Variants in CACNB2 observed in about 807,000 individuals in gnomAD.
CACNB2 encodes calcium voltage-gated channel auxiliary subunit beta 2, also known as voltage-dependent L-type calcium channel subunit beta-2.
CACNB2 carries 42 observed loss-of-function variants against 73.3 expected under a neutral mutation model. The ratio of observed to expected loss-of-function variants is 0.57; its 90% CI spans 0.45 to 0.74. The LOEUF (loss-of-function observed/expected upper bound fraction) is 0.74, where lower values mean the gene tolerates loss of function less well. Ranked by LOEUF, CACNB2 falls within the 30% of genes least tolerant of loss-of-function variation. The pLI is 0.00. For missense variants in CACNB2, 940 were observed against 853.0 expected, an observed-to-expected ratio of 1.10 and a Z score of -1.27; for synonymous variants, 348 against 310.3, an observed-to-expected ratio of 1.12 and a Z score of -1.28.
At chr10:18,245,641 C>G (rs1429768799) in intron 2 of CACNB2, among the ~76,000 whole-genome samples, 1 of 152,112 alleles carries the variant, frequency 6.6e-6, no homozygotes, top group Non-Finnish European at 1.5e-5. Flanking sequence ...TCCTCCTGTT[C>G]ATTTTTATTT....
At chr10:18,198,756 C>T (rs949902819) in intron 2 of CACNB2, among the ~76,000 whole-genome samples, 20 of 152,190 alleles carry the variant, frequency 1.3e-4, no homozygotes, top group African/African-American at 4.8e-4. Flanking sequence ...CTCCACCCAG[C>T]ATGACTGCTT....
At chr10:18,490,661 C>T (rs1161172153) in intron 3 of CACNB2, among the ~76,000 whole-genome samples, 2 of 152,160 alleles carry the variant, frequency 1.3e-5, no homozygotes, top group African/African-American at 4.8e-5. Context: ...CCTAATGATT[C>T]TGTAGAGCAG....
At chr10:18,536,327 T>C in intron 12 of CACNB2, 131 bp downstream of exon 12, 7 of 610,542 alleles carry the variant, frequency 1.1e-5, no homozygotes, top group Non-Finnish European at 2.0e-5. Context: ...GGTATGGTCT[T>C]AGCTCACTGC....
intron 7 of CACNB2, chr10:18,514,846 A>G (rs1448066115): frequency 6.8e-6 from 5 of 730,114 alleles, no homozygotes; most frequent in African/African-American, 1.8e-5. Context: ...TTTTATCCAG[A>G]AATTTAACTT....
chr10:18,416,604 G>A (rs1039775572), intron 3 of CACNB2, among the ~76,000 whole-genome samples: 1 of 152,118 alleles, frequency 6.6e-6, no homozygotes, highest in African/African-American at 2.4e-5. Context: ...TAGAGACAGG[G>A]TTTTGCCATA....
intron 7 of CACNB2, among the ~76,000 whole-genome samples, chr10:18,515,222 G>A (rs980610190): frequency 6.6e-6 from 1 of 152,090 alleles, no homozygotes; most frequent in Non-Finnish European, 1.5e-5. Context: ...GAAACTATAG[G>A]GTATTCCTGA....
intron 3 of CACNB2, among the ~76,000 whole-genome samples, chr10:18,449,340 G>A (rs1035130943): frequency 6.6e-6 from 1 of 152,074 alleles, no homozygotes; most frequent in African/African-American, 2.4e-5. Flanking sequence ...AGCCGAGATC[G>A]CGCCACTGCA....
At chr10:18,398,545 C>A (rs2043824728) in intron 2 of CACNB2, among the ~76,000 whole-genome samples, 1 of 152,026 alleles carries the variant, frequency 6.6e-6, no homozygotes, top group Non-Finnish European at 1.5e-5. Context: ...GGAGCACATG[C>A]TTGTATTCCC....
intron 2 of CACNB2, among the ~76,000 whole-genome samples, chr10:18,249,729 G>A (rs1468311635): frequency 6.6e-6 from 1 of 152,086 alleles, no homozygotes; most frequent in Non-Finnish European, 1.5e-5. Context: ...AAAGCTTGTG[G>A]TTCTCAAGAC....
At chr10:18,403,495 C>A (rs2044117888) in intron 3 of CACNB2, among the ~76,000 whole-genome samples, 1 of 152,080 alleles carries the variant, frequency 6.6e-6, no homozygotes, top group Admixed American at 6.6e-5. Context: ...GTTTCACATA[C>A]CAAAATTGAA....
chr10:18,237,220 G>A (rs1411784604), intron 2 of CACNB2, among the ~76,000 whole-genome samples: 2 of 152,124 alleles, frequency 1.3e-5, no homozygotes, highest in African/African-American at 4.8e-5. Context: ...GTATGTTGAG[G>A]TCATAATCCC....
At chr10:18,320,049 C>T (rs1269651116) in intron 2 of CACNB2, among the ~76,000 whole-genome samples, 2 of 152,084 alleles carry the variant, frequency 1.3e-5, no homozygotes, top group East Asian at 1.9e-4. Context: ...ATCATTCCAC[C>T]GAGTATCACC....
chr10:18,531,214 T>C (rs1564661038), intron 10 of CACNB2, among the ~76,000 whole-genome samples: 1 of 152,212 alleles, frequency 6.6e-6, no homozygotes, highest in African/African-American at 2.4e-5. Flanking sequence ...TATTTTTTGT[T>C]TGATTACAGA....
chr10:18,339,331 G>C (rs2041142114), intron 2 of CACNB2, among the ~76,000 whole-genome samples: 1 of 152,058 alleles, frequency 6.6e-6, no homozygotes, highest in Non-Finnish European at 1.5e-5. Context: ...GACTAGCCTG[G>C]CCAATATGCT....
chr10:18,477,240 C>T (rs960523213), intron 3 of CACNB2, among the ~76,000 whole-genome samples: 6 of 152,032 alleles, frequency 3.9e-5, no homozygotes, highest in African/African-American at 7.2e-5. Flanking sequence ...ACAGGGAAGA[C>T]GACCAGAGAT....
chr10:18,305,783 C>A (rs984270656), intron 2 of CACNB2, among the ~76,000 whole-genome samples: 1 of 151,896 alleles, frequency 6.6e-6, no homozygotes, highest in African/African-American at 2.4e-5. Flanking sequence ...CATTTGTGAC[C>A]CCAGGTATAG....
chr10:18,273,746 G>C (rs905359431), intron 2 of CACNB2, among the ~76,000 whole-genome samples: 1 of 152,198 alleles, frequency 6.6e-6, no homozygotes, highest in African/African-American at 2.4e-5. Context: ...CAGATATTCA[G>C]TAAGTATTGG....
At chr10:18,405,366 TA>T (rs1406486548) in intron 3 of CACNB2, among the ~76,000 whole-genome samples, 2 of 152,216 alleles carry the variant, frequency 1.3e-5, no homozygotes. Flanking sequence ...AATCTTACCA[TA>T]GGTGATCTTT....
At chr10:18,265,085 A>G (rs2037730383) in intron 2 of CACNB2, among the ~76,000 whole-genome samples, 1 of 149,894 alleles carries the variant, frequency 6.7e-6, no homozygotes, top group African/African-American at 2.5e-5. Context: ...TTTGCTGTGC[A>G]TTTCCCTGAT....
Sources: allele counts gnomAD v4.1 joint callset (sites outside exome capture counted in the v4.1 genomes callset), GRCh38; gene constraint gnomAD v4.1.1; transcripts MANE v1.5; gene names NCBI Gene and HGNC (gene_info 2026-07-23, HGNC 2026-07-21).